The following IRAG1 variants were observed in gnomAD, a reference collection of about 807,000 sequenced individuals.
The protein encoded by IRAG1 is inositol 1,4,5-triphosphate receptor associated 1.
Under a neutral mutation model 106.2 loss-of-function variants are expected in IRAG1, and 62 were observed. That is an observed-to-expected ratio of 0.58 (90% CI 0.48 to 0.72). The LOEUF (loss-of-function observed/expected upper bound fraction) is 0.72, where lower values mean the gene tolerates loss of function less well. Ranked by LOEUF, IRAG1 falls within the 30% of genes least tolerant of loss-of-function variation. The pLI, the probability that IRAG1 is intolerant of heterozygous loss-of-function variation, is 0.00. For missense variants in IRAG1, 1,064 were observed against 1,140.7 expected, an observed-to-expected ratio of 0.93 and a Z score of 0.97; for synonymous variants, 462 against 443.9, an observed-to-expected ratio of 1.04 and a Z score of -0.51.
intron 18 of IRAG1, among the ~76,000 whole-genome samples, chr11:10,584,676 G>T (rs1175044269): frequency 2.7e-5 from 4 of 150,924 alleles, no homozygotes; most frequent in African/African-American, 9.7e-5. Flanking sequence ...AAGGAGGACA[G>T]TGTAGTATAA....
Position 10,666,411 on chromosome 11 carries a change from T to C in IRAG1, c.68-14229A>G, listed in dbSNP as rs113478818. On this transcript the variant is annotated intron_variant, in intron 1 of 20. Coordinates refer to ENST00000423302, the MANE Select transcript of IRAG1 (RefSeq NM_130385.4). ...GGGAGCCTGACTCCAAGCCCAGGGT[T>C]CTGCTCAGTATACCATAATGAAGGC... Among the ~76,000 whole-genome samples, 286 of 152,348 alleles carry C rather than the reference T, an allele frequency of 1.9e-3. 1 individual carries two copies. The highest frequency in any genetic ancestry group is 6.5e-3 in the African/African-American group (271 of 41,586).
chr11:10,584,476 T>A (rs965161424), intron 18 of IRAG1, among the ~76,000 whole-genome samples: 4 of 150,220 alleles, frequency 2.7e-5, no homozygotes, highest in African/African-American at 9.8e-5. Context: ...GTTTCCTATT[T>A]ATCCAAACGA....
At chr11:10,633,103 C>T (rs1205841487) in intron 3 of IRAG1, among the ~76,000 whole-genome samples, 5 of 132,336 alleles carry the variant, frequency 3.8e-5, no homozygotes, top group Admixed American at 8.9e-5. Context: ...GAGACGGAGT[C>T]TCGCACTGTC....
intron 15 of IRAG1, among the ~76,000 whole-genome samples, chr11:10,596,049 A>G (rs1304696852): frequency 6.6e-6 from 1 of 152,230 alleles, no homozygotes; most frequent in African/African-American, 2.4e-5. Flanking sequence ...ATGGCTGCAT[A>G]GTATTCCATG....
chr11:10,631,255 T>G (rs1421178832), intron 4 of IRAG1, among the ~76,000 whole-genome samples: 1 of 152,190 alleles, frequency 6.6e-6, no homozygotes, highest in Non-Finnish European at 1.5e-5. Flanking sequence ...AAGTCCCAAT[T>G]GGTACACATG....
chr11:10,598,842 AAAAATGTAT>A (rs1853621383), intron 15 of IRAG1, among the ~76,000 whole-genome samples: 1 of 152,256 alleles, frequency 6.6e-6, no homozygotes, highest in East Asian at 1.9e-4. Flanking sequence ...GTTATTTTTA[AAAAATGTAT>A]ATCACCTTCC....
intron 1 of IRAG1, among the ~76,000 whole-genome samples, chr11:10,675,812 T>C (rs1860609162): frequency 6.6e-6 from 1 of 152,176 alleles, no homozygotes; most frequent in Non-Finnish European, 1.5e-5. Flanking sequence ...ACTAAGTTTG[T>C]CTGCAATGAA....
At position 10,628,703 on chromosome 11, in the gene IRAG1, C is replaced by T. The variant is rs1039208273; in HGVS notation, c.652+48G>A. 6.9e-6 allele frequency: 10 copies of T among 1,454,502 alleles called. No homozygotes were observed. Among genetic ancestry groups the T allele is most frequent in the Non-Finnish European group, 9.2e-6 (10 of 1,091,270 alleles). 90.1% of individuals were successfully genotyped at this position (1,454,502 alleles called of 1,614,324 possible). A position where few individuals can be genotyped will look rare whatever the true frequency, so the allele number is the denominator to read the frequency against. On this transcript the variant is annotated intron_variant, in intron 6 of 20. Transcript: ENST00000423302. This position sits in a 1 kb window ranked among gnomAD's most constrained non-coding sequence, Gnocchi z 4.1. ...CTGATCTGTCCAGGCTGAGCTGCCA[C>T]CCAGAGCGAGAGGCAGGGCAGGAAG...
chr11:10,584,818 G>A (rs1449825349), intron 18 of IRAG1, among the ~76,000 whole-genome samples: 1 of 151,936 alleles, frequency 6.6e-6, no homozygotes, highest in African/African-American at 2.4e-5. Context: ...GATGGTGGAG[G>A]TGTAAGAATT....
At position 10,647,775 on chromosome 11, in the gene IRAG1, G is replaced by A. The variant is rs1858085592; in HGVS notation, c.225+4250C>T. Among the ~76,000 whole-genome samples, 3 of 152,268 alleles carry A rather than the reference G, an allele frequency of 2.0e-5. No individual in the cohort carries two copies. The highest frequency in any genetic ancestry group is 4.8e-5 in the African/African-American group (2 of 41,562). On this transcript the variant is annotated intron_variant, in intron 2 of 20. Coordinates refer to ENST00000423302, the MANE Select transcript of IRAG1 (RefSeq NM_130385.4). This position sits in a 1 kb window ranked among gnomAD's most constrained non-coding sequence, Gnocchi z 4.3. ...GCATCTGGAGCCTGGGGCCAGGTCT[G>A]GGGCCCTACAGTAAGGCGGAGATGG...
intron 15 of IRAG1, among the ~76,000 whole-genome samples, 186 bp from the exon 16 acceptor site, chr11:10,594,381 C>CT (rs535569431): frequency 2.0e-5 from 3 of 152,132 alleles, no homozygotes; most frequent in South Asian, 4.1e-4. Context: ...AGAGTGGGGG[C>CT]TTTTTTTGGA....
At chr11:10,632,179 CTTCT>C (rs1181183875) in intron 3 of IRAG1, 118 bp from the exon 4 acceptor site, 193 of 726,424 alleles carry the variant, frequency 2.7e-4, no homozygotes, top group Admixed American at 1.7e-3. Flanking sequence ...TCCTTCTTTC[CTTCT>C]TTCTTTCTTT....
chr11:10,651,795 G>C (rs1288162195), intron 2 of IRAG1, among the ~76,000 whole-genome samples: 1 of 152,216 alleles, frequency 6.6e-6, no homozygotes, highest in Admixed American at 6.5e-5. Context: ...GTCAGACACA[G>C]CCTAGATGGT....
intron 1 of IRAG1, among the ~76,000 whole-genome samples, chr11:10,674,485 A>T (rs1860492857): frequency 6.6e-6 from 1 of 152,198 alleles, no homozygotes; most frequent in African/African-American, 2.4e-5. Context: ...AGAGCTTCCC[A>T]GTACTCTTTC....
intron 15 of IRAG1, among the ~76,000 whole-genome samples, chr11:10,598,372 T>C (rs1199210131): frequency 2.6e-5 from 4 of 152,250 alleles, no homozygotes; most frequent in Non-Finnish European, 4.4e-5. Context: ...TTCTAAGTGC[T>C]TGTGGTCAAA....
intron 18 of IRAG1, among the ~76,000 whole-genome samples, chr11:10,587,643 T>C (rs943958898): frequency 1.3e-5 from 2 of 152,200 alleles, no homozygotes; most frequent in Non-Finnish European, 2.9e-5. Flanking sequence ...TACATTAACA[T>C]AATAACCCCT....
intron 15 of IRAG1, among the ~76,000 whole-genome samples, chr11:10,596,403 C>T (rs891664002): frequency 3.9e-5 from 6 of 152,160 alleles, no homozygotes; most frequent in Non-Finnish European, 7.3e-5. Flanking sequence ...AATTGTCATT[C>T]CTTTGTAAGT....
chr11:10,679,554 C>G (rs1860978391), intron 1 of IRAG1, among the ~76,000 whole-genome samples: 1 of 152,228 alleles, frequency 6.6e-6, no homozygotes, highest in Admixed American at 6.5e-5. Context: ...CCGTCAGAGC[C>G]CATGGCTTCC....
intron 1 of IRAG1, among the ~76,000 whole-genome samples, chr11:10,672,981 G>A (rs1025853338): frequency 1.3e-5 from 2 of 152,058 alleles, no homozygotes; most frequent in Admixed American, 6.6e-5. Flanking sequence ...GAATCTATTC[G>A]GTCATAAAAA....
Sources: allele counts gnomAD v4.1 joint callset (sites outside exome capture counted in the v4.1 genomes callset), GRCh38; gene constraint gnomAD v4.1.1; non-coding constraint Gnocchi (gnomAD v3.1); transcripts MANE v1.5; gene names NCBI Gene and HGNC (gene_info 2026-07-23, HGNC 2026-07-21).